CUEDC1: variants seen among roughly 807,000 people sequenced by gnomAD.
CUEDC1 encodes CUE domain containing 1.
A neutral mutation model predicts 43.7 loss-of-function variants in CUEDC1; 30 were observed. That is an observed-to-expected ratio of 0.69 (90% CI 0.51 to 0.93). The LOEUF (loss-of-function observed/expected upper bound fraction) is 0.93, where lower values mean the gene tolerates loss of function less well. Ranked by LOEUF, CUEDC1 falls within the 40% of genes least tolerant of loss-of-function variation. CUEDC1 has a pLI of 0.00. For synonymous variants in CUEDC1, 223 were observed against 223.6 expected, an observed-to-expected ratio of 1.00 and a Z score of 0.02; for missense variants, 486 against 549.0, an observed-to-expected ratio of 0.89 and a Z score of 1.15.
chr17:57,880,904 G>A (rs564270176), intron 2 of CUEDC1, among the ~76,000 whole-genome samples: 22 of 152,216 alleles, frequency 1.4e-4, no homozygotes, highest in Admixed American at 6.5e-4. Flanking sequence ...CTACACCTTC[G>A]CCTCCCGCTC....
chr17:57,871,160 G>GAGGCCC, intron 6 of CUEDC1, 126 bp downstream of exon 6: 1 of 757,766 alleles, frequency 1.3e-6, no homozygotes, highest in Non-Finnish European at 2.3e-6. Context: ...GCCTGCTGAG[G>GAGGCCC]AGGCCCAGGC....
intron 1 of CUEDC1, among the ~76,000 whole-genome samples, chr17:57,919,330 C>T (rs1361102575): frequency 2.0e-5 from 3 of 152,022 alleles, no homozygotes; most frequent in Non-Finnish European, 4.4e-5. Flanking sequence ...CAGGCAGGCA[C>T]CACCATGCCT....
intron 7 of CUEDC1, chr17:57,868,505 G>T (rs562731328): frequency 1.9e-6 from 1 of 516,594 alleles, no homozygotes; most frequent in East Asian, 3.4e-5. Flanking sequence ...GACCGCAGGC[G>T]GCTCAAGATC....
chr17:57,928,633 C>T (rs888360722), intron 1 of CUEDC1, among the ~76,000 whole-genome samples: 4 of 151,742 alleles, frequency 2.6e-5, no homozygotes, highest in Non-Finnish European at 4.4e-5. Flanking sequence ...ACAGATCTTC[C>T]GATTTGAGTC....
chr17:57,872,886 T>G (rs749302915), intron 4 of CUEDC1, 31 bp from the exon 5 acceptor site: 1 of 1,593,918 alleles, frequency 6.3e-7, no homozygotes. Flanking sequence ...GTTGAATGTG[T>G]ACACACAAGG....
intron 1 of CUEDC1, among the ~76,000 whole-genome samples, chr17:57,894,029 G>T (rs1342416962): frequency 6.6e-6 from 1 of 152,214 alleles, no homozygotes. Context: ...GGAGGTGGAG[G>T]TTGCAGTGAG....
At chr17:57,864,000 C>CAAAAAA in intron 10 of CUEDC1, among the ~76,000 whole-genome samples, 1 of 82,562 alleles carries the variant, frequency 1.2e-5, no homozygotes, top group Non-Finnish European at 2.2e-5. Context: ...GACTCCATCT[C>CAAAAAA]AAAAAAAAAA....
At chr17:57,919,509 GT>G (rs1259188416) in intron 1 of CUEDC1, among the ~76,000 whole-genome samples, 1 of 152,148 alleles carries the variant, frequency 6.6e-6, no homozygotes, top group Non-Finnish European at 1.5e-5. Context: ...GGGATACACA[GT>G]TGTTCAAAAT....
chr17:57,894,339 G>A (rs2144988719), intron 1 of CUEDC1, among the ~76,000 whole-genome samples: 1 of 152,288 alleles, frequency 6.6e-6, no homozygotes, highest in Non-Finnish European at 1.5e-5. Flanking sequence ...ATCTGTAAGG[G>A]TGGGGCATTC....
At chr17:57,939,710 C>T (rs1045383881) in intron 1 of CUEDC1, among the ~76,000 whole-genome samples, 4 of 152,080 alleles carry the variant, frequency 2.6e-5, no homozygotes, top group African/African-American at 7.2e-5. Context: ...AGCTGACTGG[C>T]CCAGTGGTAG....
intron 1 of CUEDC1, among the ~76,000 whole-genome samples, chr17:57,953,513 C>T (rs1273901954): frequency 2.0e-5 from 3 of 152,248 alleles, no homozygotes. Flanking sequence ...GACAACTGTT[C>T]TGATGGCCCA....
rs1255043561 is a variant in CUEDC1 at position 57,954,132 on chromosome 17, G to A, written c.-316+1093C>T. The stretch of plus-strand genomic sequence containing the variant: ...TGGCTATAAAGAAAAGGGGTGAAAG[G>A]CCCAGTACATCTCCCTGAGTCCTTT... On this transcript the variant is annotated intron_variant, in intron 1 of 10. Coordinates refer to ENST00000577830, the MANE Select transcript of CUEDC1 (RefSeq NM_001271875.2). The surrounding 1 kb of genome is among the most constrained non-coding windows in gnomAD (Gnocchi z 4.3). Among the ~76,000 whole-genome samples, 1 of 152,194 alleles carries A rather than the reference G, an allele frequency of 6.6e-6. No homozygotes were observed. Among genetic ancestry groups the A allele is most frequent in the Non-Finnish European group, 1.5e-5 (1 of 68,036 alleles).
intron 1 of CUEDC1, among the ~76,000 whole-genome samples, chr17:57,951,434 G>C (rs906357553): frequency 6.6e-6 from 1 of 151,990 alleles, no homozygotes; most frequent in Admixed American, 6.6e-5. Context: ...TTGCTTCCTG[G>C]GGGTGGAAGT....
intron 1 of CUEDC1, among the ~76,000 whole-genome samples, chr17:57,948,331 G>A (rs1412780732): frequency 6.6e-6 from 1 of 152,048 alleles, no homozygotes; most frequent in Non-Finnish European, 1.5e-5. Flanking sequence ...TCCTCACACG[G>A]CTTGGACTCC....
intron 1 of CUEDC1, among the ~76,000 whole-genome samples, chr17:57,900,096 T>G: frequency 6.6e-6 from 1 of 152,186 alleles, no homozygotes; most frequent in East Asian, 1.9e-4. Context: ...TAGAAGGCAG[T>G]GCAGGGAAGG....
At chr17:57,869,470 A>G (rs987931297) in intron 6 of CUEDC1, among the ~76,000 whole-genome samples, 9 of 151,932 alleles carry the variant, frequency 5.9e-5, no homozygotes, top group African/African-American at 2.2e-4. Context: ...CCTCTGACCA[A>G]CTCCATGTTT....
chr17:57,885,127 T>TA, intron 2 of CUEDC1, 102 bp downstream of exon 2: 1 of 1,465,310 alleles, frequency 6.8e-7, no homozygotes, highest in East Asian at 2.5e-5. Context: ...CAGGTCCTCT[T>TA]AGAGGTTCCA....
chr17:57,927,396 G>GA (rs577485162), intron 1 of CUEDC1, among the ~76,000 whole-genome samples: 25,295 of 118,456 alleles, frequency 0.21, 2,318 homozygotes, highest in Admixed American at 0.26. Flanking sequence ...TAGGGAGAAA[G>GA]AAAAAAAAAA....
At chr17:57,929,792 C>T (rs1321685759) in intron 1 of CUEDC1, among the ~76,000 whole-genome samples, 1 of 152,136 alleles carries the variant, frequency 6.6e-6, no homozygotes, top group Admixed American at 6.5e-5. Flanking sequence ...GCTTCTCAGT[C>T]TGTCTCTCTC....
Sources: allele counts gnomAD v4.1 joint callset (sites outside exome capture counted in the v4.1 genomes callset), GRCh38; gene constraint gnomAD v4.1.1; non-coding constraint Gnocchi (gnomAD v3.1); transcripts MANE v1.5; gene names NCBI Gene and HGNC (gene_info 2026-07-23, HGNC 2026-07-21).